ZNF69: variants seen among roughly 807,000 people sequenced by gnomAD.
ZNF69 encodes the protein ZNF3.
ZNF69 carries 47 observed loss-of-function variants against 50.9 expected under a neutral mutation model. The ratio of observed to expected loss-of-function variants is 0.92; its 90% CI spans 0.73 to 1.18. The LOEUF (loss-of-function observed/expected upper bound fraction) is 1.18, where lower values mean the gene tolerates loss of function less well. Ranked by LOEUF, ZNF69 falls within the 50% of genes most tolerant of loss-of-function variation. The pLI, the probability that ZNF69 is intolerant of heterozygous loss-of-function variation, is 0.00. For synonymous variants in ZNF69, 216 were observed against 223.1 expected (o/e 0.97, Z 0.29); for missense variants, 717 against 675.1 (o/e 1.06, Z -0.69).
chr19:11,943,172 A>G, the ZNF69 span, among the ~76,000 whole-genome samples: 1 of 152,292 alleles, frequency 6.6e-6, no homozygotes, highest in South Asian at 2.1e-4. Flanking sequence ...CATTTTCCAA[A>G]TACAGATTTA....
chr19:11,961,706 C>T, the ZNF69 span: 1 of 152,082 alleles, frequency 6.6e-6, no homozygotes, highest in Non-Finnish European at 1.5e-5. Context: ...ACTTCTGCCT[C>T]CTGAGTTCAA....
At chr19:11,940,168 G>A in the ZNF69 span, 1 of 152,108 alleles carries the variant, frequency 6.6e-6, no homozygotes, top group Non-Finnish European at 1.5e-5. Flanking sequence ...AACCTCAGGT[G>A]ATCGACCTGC....
At chr19:11,974,102 TTTCTTTCTTTCTTTCTTTC>T in the ZNF69 span, among the ~76,000 whole-genome samples, 1 of 97,224 alleles carries the variant, frequency 1.0e-5, no homozygotes, top group Non-Finnish European at 2.1e-5. Flanking sequence ...TCTTTCTTTC[TTTCTTTCTTTCTTTCTTTC>T]TTTCTTTTCT....
the ZNF69 span, among the ~76,000 whole-genome samples, chr19:11,974,138 C>CTCTCTTTCT: frequency 2.7e-5 from 3 of 109,288 alleles, no homozygotes; most frequent in African/African-American, 1.3e-4. Flanking sequence ...TTCTTTCTTT[C>CTCTCTTTCT]TTTCTTTCTT....
rs182468165 is a variant in ZNF69 at position 11,905,529 on chromosome 19, C to T, written c.1132C>T (p.His378Tyr). ...TTGTTCTGCCAATTCATTTCAAAGA[C>T]ATGAAAAAACTCACAGTGGAGAGAA... ...GFCSANSFQR[H>Y]EKTHSGEKPY... is the part of the protein sequence containing the mutation. Residue 378 changes from histidine (H) to tyrosine (Y), a missense_variant, in exon 4 of 4, where the codon CAT becomes TAT. Transcript: ENST00000429654. The T allele has an allele frequency of 2.3e-5, 37 of 1,613,740 alleles. No homozygotes were observed. In the Admixed American group the frequency reaches 6.0e-4, roughly 26 times the overall value.
At chr19:11,894,926 G>A (rs1259301775) in intron 1 of ZNF69, among the ~76,000 whole-genome samples, 1 of 152,200 alleles carries the variant, frequency 6.6e-6, no homozygotes, top group Non-Finnish European at 1.5e-5. Context: ...TGGACCAGTA[G>A]CCTGCAAATC....
At chr19:11,979,833 A>G in the ZNF69 span, 2 of 1,548,746 alleles carry the variant, frequency 1.3e-6, no homozygotes, top group Non-Finnish European at 8.9e-7. Context: ...AGATCTGCCA[A>G]GAACCTTCGA....
chr19:11,901,908 A>G (rs2145231281), intron 1 of ZNF69, among the ~76,000 whole-genome samples: 1 of 147,850 alleles, frequency 6.8e-6, no homozygotes, highest in East Asian at 2.0e-4. Flanking sequence ...GATGAATTCT[A>G]TTGTATTTTG....
At chr19:11,959,779 G>T in the ZNF69 span, among the ~76,000 whole-genome samples, 9 of 152,098 alleles carry the variant, frequency 5.9e-5, no homozygotes, top group African/African-American at 2.2e-4. Flanking sequence ...ATGAAATGTC[G>T]ATAGAGTATG....
chr19:11,949,014 G>GA, the ZNF69 span: 5 of 1,605,408 alleles, frequency 3.1e-6, no homozygotes, highest in East Asian at 4.5e-5. Context: ...CCCACTCTGG[G>GA]AAAAAACCGT....
the ZNF69 span, chr19:11,949,383 A>C: frequency 5.6e-6 from 9 of 1,613,790 alleles, no homozygotes; most frequent in Non-Finnish European, 6.8e-6. Context: ...AATGTGGGAA[A>C]GCCTTCAGAT....
downstream of ZNF69, among the ~76,000 whole-genome samples, chr19:11,915,917 A>G (rs2145258737): frequency 6.6e-6 from 1 of 152,238 alleles, no homozygotes; most frequent in South Asian, 2.1e-4. Context: ...AAAAGAAAAA[A>G]AAAGCTCACT....
chr19:11,965,048 A>T, the ZNF69 span: 1 of 853,342 alleles, frequency 1.2e-6, no homozygotes, highest in Non-Finnish European at 1.9e-6. Context: ...TCCTGTCCTC[A>T]CCTTTGTCCT....
the ZNF69 span, among the ~76,000 whole-genome samples, chr19:11,925,491 C>T: frequency 3.9e-5 from 6 of 152,160 alleles, no homozygotes; most frequent in Admixed American, 1.3e-4. Context: ...GCGGCGACTG[C>T]GGCCGCGGCC....
At chr19:11,919,686 C>A in the ZNF69 span, among the ~76,000 whole-genome samples, 1 of 152,098 alleles carries the variant, frequency 6.6e-6, no homozygotes, top group Non-Finnish European at 1.5e-5. Flanking sequence ...TAAAGGAGGG[C>A]TCTCACAATG....
At chr19:11,951,884 C>T in the ZNF69 span, among the ~76,000 whole-genome samples, 1 of 152,208 alleles carries the variant, frequency 6.6e-6, no homozygotes, top group African/African-American at 2.4e-5. Flanking sequence ...TGGTAAAAGC[C>T]TTGGCCTTGG....
chr19:11,961,560 C>A, the ZNF69 span: 3 of 152,200 alleles, frequency 2.0e-5, no homozygotes, highest in Non-Finnish European at 4.4e-5. Flanking sequence ...GTTTGCTTCA[C>A]AGGAAACTGC....
chr19:11,949,117 A>T, the ZNF69 span: 1 of 1,612,324 alleles, frequency 6.2e-7, no homozygotes, highest in African/African-American at 1.3e-5. Context: ...TTATAAATGT[A>T]AGATATGTGG....
downstream of ZNF69, among the ~76,000 whole-genome samples, chr19:11,911,168 A>G (rs1468129612): frequency 6.6e-6 from 1 of 152,184 alleles, no homozygotes; most frequent in African/African-American, 2.4e-5. Context: ...AAAAGTCAGG[A>G]AACAACAGGT....
Sources: gnomAD v4.1 joint callset for allele counts (sites outside exome capture counted in the v4.1 genomes callset) on GRCh38, gnomAD v4.1.1 for gene constraint, MANE v1.5 for transcripts, NCBI Gene and HGNC (gene_info 2026-07-23, HGNC 2026-07-21) for gene names.